The following MIPEP variants were observed in gnomAD, a reference collection of about 807,000 sequenced individuals.
MIPEP encodes mitochondrial intermediate peptidase.
MIPEP carries 79 observed loss-of-function variants against 90.3 expected under a neutral mutation model. The observed-to-expected ratio is 0.87, with a 90% confidence interval of 0.73 to 1.05. The LOEUF is 1.05. Among genes scored for constraint, MIPEP ranks in the 50% least tolerant of loss-of-function variants. The pLI is 0.00. For synonymous variants in MIPEP, 334 were observed against 315.8 expected (o/e 1.06, Z -0.61); for missense variants, 940 against 905.6 (o/e 1.04, Z -0.49).
At chr13:23,810,550 T>C (rs1953160582) in intron 14 of MIPEP, among the ~76,000 whole-genome samples, 1 of 152,186 alleles carries the variant, frequency 6.6e-6, no homozygotes, top group African/African-American at 2.4e-5. Flanking sequence ...AAATTAATAA[T>C]GTAGTTGAAC....
At chr13:23,805,913 C>A (rs764900814) in intron 16 of MIPEP, 37 bp downstream of exon 16, 1 of 1,608,836 alleles carries the variant, frequency 6.2e-7, no homozygotes, top group East Asian at 2.2e-5. Context: ...AGCAGAACCA[C>A]TCAATACACA....
At chr13:23,844,398 G>A (rs995772589) in intron 10 of MIPEP, among the ~76,000 whole-genome samples, 2 of 152,166 alleles carry the variant, frequency 1.3e-5, no homozygotes, top group Non-Finnish European at 2.9e-5. Context: ...AGCTGAACAA[G>A]CTGAAAATCA....
At chr13:23,818,948 CA>C (rs1186024611) in intron 14 of MIPEP, among the ~76,000 whole-genome samples, 4 of 151,512 alleles carry the variant, frequency 2.6e-5, no homozygotes, top group Admixed American at 2.0e-4. Flanking sequence ...TAAATTTGAC[CA>C]AAAAAAACAT....
chr13:23,788,157 T>C (rs1005201921), intron 16 of MIPEP, among the ~76,000 whole-genome samples: 3 of 152,378 alleles, frequency 2.0e-5, no homozygotes, highest in Non-Finnish European at 2.9e-5. Flanking sequence ...GATCAATATT[T>C]GCTAATGTTT....
chr13:23,840,846 G>A (rs1403625926), intron 11 of MIPEP, among the ~76,000 whole-genome samples: 2 of 152,170 alleles, frequency 1.3e-5, no homozygotes, highest in Non-Finnish European at 2.9e-5. Flanking sequence ...GGCCTTCACA[G>A]GAGAAAGATG....
intron 16 of MIPEP, among the ~76,000 whole-genome samples, chr13:23,777,019 G>A (rs1219421070): frequency 6.6e-6 from 1 of 152,074 alleles, no homozygotes; most frequent in Non-Finnish European, 1.5e-5. Context: ...ATGCTTAAAC[G>A]CCAGTGAGTA....
intron 16 of MIPEP, among the ~76,000 whole-genome samples, chr13:23,771,341 G>C (rs1952648157): frequency 6.6e-6 from 1 of 152,240 alleles, no homozygotes; most frequent in South Asian, 2.1e-4. Context: ...AGTGACTAGT[G>C]GGGTGTCTTC....
intron 14 of MIPEP, among the ~76,000 whole-genome samples, chr13:23,820,465 A>T (rs2137427644): frequency 6.6e-6 from 1 of 152,356 alleles, no homozygotes; most frequent in Middle Eastern, 3.4e-3. Context: ...AGGTGATTTA[A>T]TATGTACAAC....
At chr13:23,840,287 T>C (rs548599761) in intron 11 of MIPEP, among the ~76,000 whole-genome samples, 5 of 152,298 alleles carry the variant, frequency 3.3e-5, no homozygotes, top group Non-Finnish European at 7.4e-5. Flanking sequence ...AGAACCCCGA[T>C]TTTGTGCTTT....
chr13:23,845,801 CCTTT>C (rs1256843364), intron 10 of MIPEP, among the ~76,000 whole-genome samples: 4 of 152,002 alleles, frequency 2.6e-5, no homozygotes, highest in East Asian at 1.9e-4. Context: ...TTTAATGCTT[CCTTT>C]ATTTTCCTTC....
chr13:23,837,910 T>G (rs1019247677), intron 12 of MIPEP, among the ~76,000 whole-genome samples, 154 bp from the exon 13 acceptor site: 1 of 152,240 alleles, frequency 6.6e-6, no homozygotes, highest in African/African-American at 2.4e-5. Context: ...ATATACACCT[T>G]TTCTTGACAT....
chr13:23,801,120 A>T (rs1432457019), intron 16 of MIPEP, among the ~76,000 whole-genome samples: 1 of 152,214 alleles, frequency 6.6e-6, no homozygotes, highest in African/African-American at 2.4e-5. Flanking sequence ...GAATAAAAGG[A>T]TTCATTTCAG....
chr13:23,823,163 A>C (rs1221356344), intron 14 of MIPEP, among the ~76,000 whole-genome samples: 1 of 152,108 alleles, frequency 6.6e-6, no homozygotes, highest in Non-Finnish European at 1.5e-5. Flanking sequence ...TTTTACAAGC[A>C]GAAAAATGGT....
intron 17 of MIPEP, 41 bp from the exon 18 acceptor site, chr13:23,756,659 G>A: frequency 6.3e-7 from 1 of 1,577,600 alleles, no homozygotes; most frequent in South Asian, 1.1e-5. Context: ...TGCTTGCACA[G>A]CCTCCATTCA....
chr13:23,821,296 G>A (rs1436321209), intron 14 of MIPEP, among the ~76,000 whole-genome samples: 1 of 152,194 alleles, frequency 6.6e-6, no homozygotes, highest in Non-Finnish European at 1.5e-5. Context: ...TTATGTTAAT[G>A]TGAATTTATT....
intron 12 of MIPEP, among the ~76,000 whole-genome samples, chr13:23,839,044 A>G (rs552109118): frequency 1.3e-5 from 2 of 152,376 alleles, no homozygotes; most frequent in East Asian, 1.9e-4. Flanking sequence ...ATCAAGCTAC[A>G]TGAAACTGCT....
rs187171996 is a variant in MIPEP, at chr13:23,752,953, C to T, written c.2044+3592G>A. ...TTAAAAAGAAGTGCTTTGGGCCAGG[C>T]AAGGTGGCTCAGGCCTGTAACCCCA... On this transcript the variant is annotated intron_variant, in intron 18 of 18. Transcript: ENST00000382172. 8.3e-4 allele frequency among the ~76,000 whole-genome samples: 126 copies of T among 152,258 alleles called. 1 individual carries two copies. The highest frequency in any genetic ancestry group is 2.8e-3 in the African/African-American group (116 of 41,564).
intron 16 of MIPEP, among the ~76,000 whole-genome samples, chr13:23,799,000 GTTTTTTT>G (rs765292524): frequency 2.8e-4 from 25 of 88,890 alleles, no homozygotes; most frequent in Middle Eastern, 9.8e-3. Context: ...AATTTTTTTG[GTTTTTTT>G]TTTTTTTTTT....
chr13:23,887,857 G>T (rs1871574822), intron 1 of MIPEP, among the ~76,000 whole-genome samples: 1 of 152,100 alleles, frequency 6.6e-6, no homozygotes, highest in Non-Finnish European at 1.5e-5. Context: ...TAAAATAAAA[G>T]AAAGTCAGTG....
Sources: gnomAD v4.1 joint callset for allele counts (sites outside exome capture counted in the v4.1 genomes callset) on GRCh38, gnomAD v4.1.1 for gene constraint, MANE v1.5 for transcripts, NCBI Gene and HGNC (gene_info 2026-07-23, HGNC 2026-07-21) for gene names.